The following B3GLCT variants were observed in gnomAD, a reference collection of about 807,000 sequenced individuals.
B3GLCT encodes beta 3-glucosyltransferase, also known as beta-1,3-glucosyltransferase.
In B3GLCT, 65 loss-of-function variants were observed where a neutral mutation model predicts 63.4. The observed-to-expected ratio is 1.03, with a 90% CI of 0.84 to 1.26. B3GLCT has a LOEUF of 1.26. Ranked by LOEUF, B3GLCT falls within the 50% of genes most tolerant of loss-of-function variation. B3GLCT has a pLI of 0.00. For missense variants in B3GLCT, 577 were observed against 604.8 expected (o/e 0.95, Z 0.48); for synonymous variants, 233 against 219.2 (o/e 1.06, Z -0.55).
At chr13:31,274,858 C>T (rs1240758754) in intron 9 of B3GLCT, among the ~76,000 whole-genome samples, 1 of 152,146 alleles carries the variant, frequency 6.6e-6, no homozygotes, top group Non-Finnish European at 1.5e-5. Flanking sequence ...TTCTTCCTTC[C>T]TCCCCTTTTT....
chr13:31,244,100 A>G (rs1006098147), intron 4 of B3GLCT, among the ~76,000 whole-genome samples: 3 of 152,190 alleles, frequency 2.0e-5, no homozygotes, highest in African/African-American at 7.2e-5. Flanking sequence ...TTTATTCCAG[A>G]CAGCTCTTGG....
chr13:31,208,209 G>A (rs1178183139), intron 1 of B3GLCT, among the ~76,000 whole-genome samples: 1 of 152,118 alleles, frequency 6.6e-6, no homozygotes, highest in African/African-American at 2.4e-5. Context: ...GTTGTACAGT[G>A]CAGCTTTAAG....
chr13:31,294,575 A>G (rs577470217), intron 12 of B3GLCT, among the ~76,000 whole-genome samples: 13 of 152,276 alleles, frequency 8.5e-5, no homozygotes, highest in African/African-American at 2.9e-4. Context: ...AATCCTTGCT[A>G]TCCTTTCTTC....
chr13:31,226,274 C>T (rs1030770449), intron 3 of B3GLCT, among the ~76,000 whole-genome samples: 13 of 152,066 alleles, frequency 8.5e-5, no homozygotes, highest in African/African-American at 2.9e-4. Flanking sequence ...TGGGCTCACT[C>T]GTTCTTGTAT....
intron 3 of B3GLCT, among the ~76,000 whole-genome samples, chr13:31,224,316 A>T (rs1869982525): frequency 6.6e-6 from 1 of 152,190 alleles, no homozygotes; most frequent in African/African-American, 2.4e-5. Flanking sequence ...ATGGGAGCAG[A>T]TGAGTCTCTG....
rs1324421447 is a variant in B3GLCT, at chr13:31,329,655, G to C, written c.1484G>C (p.Arg495Pro). 2 of 1,614,148 alleles carry C rather than the reference G, an allele frequency of 1.2e-6. No individual in the cohort carries two copies. The highest frequency in any genetic ancestry group is 1.7e-5 in the Admixed American group (1 of 60,028). ...AGGCAGGAGACACAGAAAGGTTTTC[G>C]AGAGGAGTTATAAATCAGGGTGACC... ...KARQETQKGF[R>P]EEL The change falls in exon 15 of 15, where the codon CGA (arginine) becomes CCA (proline). Residue 495 changes from arginine to proline, a missense_variant. By Grantham distance (103) the Arg-to-Pro change is moderately radical. Coordinates refer to ENST00000343307, the MANE Select transcript of B3GLCT (RefSeq NM_194318.4).
intron 6 of B3GLCT, among the ~76,000 whole-genome samples, chr13:31,256,782 G>A (rs111300917): frequency 5.8e-4 from 88 of 152,112 alleles, no homozygotes; most frequent in African/African-American, 2.0e-3. Context: ...GGCGGTGGGG[G>A]GCTTAGGGAG....
chr13:31,277,143 A>G (rs1872835031), intron 10 of B3GLCT, among the ~76,000 whole-genome samples: 1 of 152,220 alleles, frequency 6.6e-6, no homozygotes, highest in Non-Finnish European at 1.5e-5. Flanking sequence ...GGGGATTTCA[A>G]GGTAACAGCA....
chr13:31,226,150 C>G (rs1593256342), intron 3 of B3GLCT, among the ~76,000 whole-genome samples: 1 of 152,266 alleles, frequency 6.6e-6, no homozygotes, highest in South Asian at 2.1e-4. Context: ...TGCACTCGCC[C>G]CCGATTGTCT....
chr13:31,315,962 T>C (rs565834481), intron 12 of B3GLCT, among the ~76,000 whole-genome samples: 1 of 152,314 alleles, frequency 6.6e-6, no homozygotes, highest in Non-Finnish European at 1.5e-5. Flanking sequence ...GCAGCTTCCA[T>C]GTAGTGTTGG....
intron 2 of B3GLCT, among the ~76,000 whole-genome samples, chr13:31,218,627 TCTTA>T (rs1207057098): frequency 1.3e-5 from 2 of 152,242 alleles, no homozygotes; most frequent in Admixed American, 6.5e-5. Context: ...AGGTATAGTA[TCTTA>T]CTGTCTGTGA....
chr13:31,324,569 G>A (rs1215332700), intron 14 of B3GLCT, among the ~76,000 whole-genome samples: 1 of 152,142 alleles, frequency 6.6e-6, no homozygotes, highest in Non-Finnish European at 1.5e-5. Context: ...AAGAATAATA[G>A]CAGTTGTTCA....
At chr13:31,235,148 A>C (rs562715914) in intron 4 of B3GLCT, among the ~76,000 whole-genome samples, 1 of 151,932 alleles carries the variant, frequency 6.6e-6, no homozygotes, top group East Asian at 1.9e-4. Context: ...GGCTGGAGAG[A>C]ATGGCAGGGA....
intron 12 of B3GLCT, among the ~76,000 whole-genome samples, chr13:31,314,850 T>TTGTG (rs1189656456): frequency 6.6e-6 from 1 of 152,310 alleles, no homozygotes; most frequent in Admixed American, 6.5e-5. Flanking sequence ...TTCCCACATA[T>TTGTG]TGTGGGAGGG....
chr13:31,308,705 G>C (rs1874541664), intron 12 of B3GLCT, among the ~76,000 whole-genome samples: 1 of 152,134 alleles, frequency 6.6e-6, no homozygotes, highest in Non-Finnish European at 1.5e-5. Flanking sequence ...TCAAGAGGTG[G>C]ATGATACAGA....
In B3GLCT at chr13:31,292,367, A is replaced by G. The variant is rs963389730; in HGVS notation, c.1064+5548A>G. Among the ~76,000 whole-genome samples, 26 of 152,280 alleles carry G rather than the reference A, an allele frequency of 1.7e-4. 1 individual carries two copies. Among genetic ancestry groups the G allele is most frequent in the Admixed American group, 1.3e-3 (20 of 15,282 alleles). ...ATTCCCTCTCTTTTTATTGTTTGGA[A>G]TAGTTTCAGAAGGAGTGGTACCAGC... On this transcript the variant is annotated intron_variant, in intron 12 of 14. Coordinates refer to ENST00000343307, the MANE Select transcript of B3GLCT (RefSeq NM_194318.4).
rs534474522 is a variant in B3GLCT at position 31,215,206 on chromosome 13, T to A, written c.120+106T>A. 2.5e-6 allele frequency: 3 copies of A among 1,179,070 alleles called. No individual in the cohort carries two copies. In the South Asian group the frequency reaches 3.9e-5, roughly 15 times the overall value. The allele number at this position is 1,179,070 out of a possible 1,614,324, so 73.0% of individuals were successfully genotyped here. On this transcript the variant is annotated intron_variant, in intron 2 of 14. Coordinates refer to ENST00000343307, the MANE Select transcript of B3GLCT (RefSeq NM_194318.4). ...ATTCTTCAATTGTTATTTTTATTGT[T>A]ACATAATTCATATAATGTGGTCAAC... is the stretch of plus-strand genomic sequence containing the variant.
intron 14 of B3GLCT, among the ~76,000 whole-genome samples, chr13:31,325,533 G>A (rs1875562574): frequency 6.6e-6 from 1 of 152,078 alleles, no homozygotes; most frequent in Non-Finnish European, 1.5e-5. Context: ...ATCATCTATA[G>A]GCAAAAGTCC....
chr13:31,225,006 A>G (rs1340319311), intron 3 of B3GLCT, among the ~76,000 whole-genome samples: 1 of 152,174 alleles, frequency 6.6e-6, no homozygotes, highest in Non-Finnish European at 1.5e-5. Flanking sequence ...TCCATTTTCT[A>G]ACTATCTCTC....
Sources: allele counts gnomAD v4.1 joint callset (sites outside exome capture counted in the v4.1 genomes callset), GRCh38; gene constraint gnomAD v4.1.1; transcripts MANE v1.5; gene names NCBI Gene and HGNC (gene_info 2026-07-23, HGNC 2026-07-21).